The following RAPGEFL1 variants were observed in gnomAD, a reference collection of about 807,000 sequenced individuals.
RAPGEFL1 encodes Rap guanine nucleotide exchange factor like 1, also known as rap guanine nucleotide exchange factor-like 1.
Under a neutral mutation model 64.4 loss-of-function variants are expected in RAPGEFL1, and 31 were observed. The observed-to-expected ratio is 0.48, with a 90% CI of 0.36 to 0.65. The LOEUF is 0.65. Among genes scored for constraint, RAPGEFL1 ranks in the 30% least tolerant of loss-of-function variants. The pLI is 0.00. For synonymous variants in RAPGEFL1, 331 were observed against 274.1 expected (o/e 1.21, Z -2.05); for missense variants, 682 against 677.4 (o/e 1.01, Z -0.08).
At chr17:40,193,570 T>C (rs1990353994) in intron 14 of RAPGEFL1, 94 bp from the exon 15 acceptor site, 6 of 1,599,388 alleles carry the variant, frequency 3.8e-6, no homozygotes, top group Non-Finnish European at 5.1e-6. Context: ...GCCCAACATC[T>C]GTCTCAGTCC....
At chr17:40,180,940 C>T (rs530562565) in intron 1 of RAPGEFL1, among the ~76,000 whole-genome samples, 1 of 152,368 alleles carries the variant, frequency 6.6e-6, no homozygotes, top group African/African-American at 2.4e-5. Flanking sequence ...TCAGGGCGAC[C>T]TTGTACCCGG....
rs370393892 is a variant in RAPGEFL1 at position 40,184,298 on chromosome 17, C to T, written c.684C>T (p.Asp228=). ...TAGCCATGCTTCTCCATTTCTTGGACACCTACCAGGGGCTGCTTCAAGAGG... is the reference window on the plus strand; with the variant it reads ...TAGCCATGCTTCTCCATTTCTTGGATACCTACCAGGGGCTGCTTCAAGAGG... ...ACLAMLLHFL[D]TYQGLLQEEE... is the part of the protein sequence containing the mutation. The change falls in exon 3 of 15, where the codon GAC becomes GAT. Residue 228 remains aspartate (D), a synonymous_variant. Coordinates refer to ENST00000620260, the MANE Select transcript of RAPGEFL1 (RefSeq NM_016339.6). The T allele has an allele frequency of 1.5e-5, 25 of 1,613,730 alleles. No homozygotes were observed. The highest frequency in any genetic ancestry group is 2.0e-5 in the Non-Finnish European group (24 of 1,179,942).
rs994516538 is a variant in RAPGEFL1 at position 40,191,741 on chromosome 17, G to C, written c.1605+69G>C. 2 of 1,478,722 alleles carry C rather than the reference G, an allele frequency of 1.4e-6. No homozygotes were observed. Among genetic ancestry groups the C allele is most frequent in the Admixed American group, 1.9e-5 (1 of 51,346 alleles). 91.6% of individuals were successfully genotyped at this position (1,478,722 alleles called of 1,614,324 possible). ...CGGGCTCCCCGAAGTGCGTCCTCCCGGGACGGCCGCCGGCCTGGAGGGAGT... is the reference window on the plus strand; with the variant it reads ...CGGGCTCCCCGAAGTGCGTCCTCCCCGGACGGCCGCCGGCCTGGAGGGAGT... On this transcript the variant is annotated intron_variant, in intron 10 of 14. Transcript: ENST00000620260. The surrounding 1 kb of genome is among the most constrained non-coding windows in gnomAD (Gnocchi z 5.1).
Position 40,193,939 on chromosome 17 carries a change from AAGTC to A in RAPGEFL1, c.*152_*155del. 9.5e-7 allele frequency: 1 copy of A among 1,051,134 alleles called. No homozygotes were observed. 65.1% of individuals were successfully genotyped at this position (1,051,134 alleles called of 1,614,324 possible). A position where few individuals can be genotyped will look rare whatever the true frequency, so the allele number is the denominator to read the frequency against. ...TCGATGGATTTACCCCTGGACCCAT[AAGTC>A]TGTTCATCCTGCTGAAGTCCCCTCC... On this transcript the variant is annotated 3_prime_UTR_variant, in exon 15 of 15. Transcript: ENST00000620260.
intron 4 of RAPGEFL1, among the ~76,000 whole-genome samples, chr17:40,186,751 G>A (rs992107851): frequency 4.6e-5 from 7 of 151,294 alleles, no homozygotes; most frequent in South Asian, 2.1e-4. Context: ...AAAATTAGCC[G>A]GGCGTGGTGG....
chr17:40,191,048 G>A lies in RAPGEFL1; in HGVS notation c.1336-268G>A. 1 of 592,998 alleles carries A rather than the reference G, an allele frequency of 1.7e-6. No homozygotes were observed. The highest frequency in any genetic ancestry group is 2.2e-5 in the South Asian group (1 of 45,980). 36.7% of individuals were successfully genotyped at this position (592,998 alleles called of 1,614,324 possible). A position where few individuals can be genotyped will look rare whatever the true frequency, so the allele number is the denominator to read the frequency against. ...AATAAAATAAGGCAGAGACAATAAT[G>A]CCTAGCAGATGGTTGTCTTGAGGAT... On this transcript the variant is annotated intron_variant, in intron 8 of 14. Transcript: ENST00000620260. The surrounding 1 kb of genome is among the most constrained non-coding windows in gnomAD (Gnocchi z 5.1).
Position 40,191,652 on chromosome 17 carries a change from C to T in RAPGEFL1, c.1585C>T (p.Arg529Cys), listed in dbSNP as rs372980399. The change falls in exon 10 of 15, where the codon CGC becomes TGC. Residue 529 changes from arginine to cysteine, a missense_variant. By Grantham distance (180) the Arg-to-Cys change is radical (BLOSUM62 -3). This residue lies in a region of RAPGEFL1 where 411 missense variants were observed against 519.4 expected (regional missense o/e 0.79). Coordinates refer to ENST00000620260, the MANE Select transcript of RAPGEFL1 (RefSeq NM_016339.6). This position sits in a 1 kb window ranked among gnomAD's most constrained non-coding sequence, Gnocchi z 5.1. Reference protein sequence around the residue: ...VMGLDNAAVSRLRLTWEKLPG... With the variant: ...VMGLDNAAVSCLRLTWEKLPG... ...GGGGCTGGACAACGCCGCTGTCAGC[C>T]GCCTTCGACTCACCTGGGAGGTGAT... 2.5e-6 allele frequency: 4 copies of T among 1,612,518 alleles called. No homozygotes were observed. The highest frequency in any genetic ancestry group is 3.4e-6 in the Non-Finnish European group (4 of 1,179,542).
In RAPGEFL1 at chr17:40,178,077, CGCCGA is replaced by C; in HGVS notation, c.221_225del (p.Glu74GlyfsTer7). 1 of 604,590 alleles carries C rather than the reference CGCCGA, an allele frequency of 1.7e-6. No individual in the cohort carries two copies. Among genetic ancestry groups the C allele is most frequent in the Non-Finnish European group, 2.9e-6 (1 of 341,990 alleles). 37.5% of individuals were successfully genotyped at this position (604,590 alleles called of 1,614,324 possible). A position where few individuals can be genotyped will look rare whatever the true frequency, so the allele number is the denominator to read the frequency against. The stretch of plus-strand genomic sequence containing the variant: ...TCCCCGCTTTCCTCCGGGAGCCCCC[CGCCGA>C]GCCGGGGCTGGAGCCGCCCCCTGAG... On this transcript the variant is annotated frameshift_variant, in exon 1 of 15. Transcript: ENST00000620260. LOFTEE classifies it high-confidence loss of function.
chr17:40,193,367 CA>C lies in RAPGEFL1; in HGVS notation c.1815del (p.Val606TrpfsTer5). The C allele has an allele frequency of 6.2e-7, 1 of 1,614,168 alleles. No individual in the cohort carries two copies. Among genetic ancestry groups the C allele is most frequent in the Non-Finnish European group, 8.5e-7 (1 of 1,180,032 alleles). On this transcript the variant is annotated frameshift_variant, in exon 14 of 15. Coordinates refer to ENST00000620260, the MANE Select transcript of RAPGEFL1 (RefSeq NM_016339.6). LOFTEE classifies it high-confidence loss of function. ...DGLVNIEKLH[S>X]VAEKVRTIRK... ...TCATTCCTTGTCATCTCCCAGCATT[CA>C]GTGGCCGAAAAAGTGAGGACAATCC... is the stretch of plus-strand genomic sequence containing the variant.
At chr17:40,193,017 A>G in intron 13 of RAPGEFL1, 27 bp downstream of exon 13, 1 of 1,592,680 alleles carries the variant, frequency 6.3e-7, no homozygotes, top group Non-Finnish European at 8.6e-7. Flanking sequence ...GCAAACCCCT[A>G]GTCCCACAAG....
chr17:40,189,441 G>A, intron 6 of RAPGEFL1, 66 bp downstream of exon 6: 5 of 1,560,594 alleles, frequency 3.2e-6, no homozygotes, highest in Non-Finnish European at 4.4e-6. Context: ...GGGCTCTGGG[G>A]GAGGGGTAGA....
At position 40,178,136 on chromosome 17, in the gene RAPGEFL1, C is replaced by T. The variant is rs1310878188; in HGVS notation, c.275C>T (p.Ala92Val). 3 of 549,376 alleles carry T rather than the reference C, an allele frequency of 5.5e-6. No individual in the cohort carries two copies. Among genetic ancestry groups the T allele is most frequent in the African/African-American group, 2.0e-5 (1 of 49,174 alleles). 34.0% of individuals were successfully genotyped at this position (549,376 alleles called of 1,614,324 possible). Reference sequence around the variant, plus strand: ...GAAGGAGGAGAGCCGGCGGGGGTCGCGGAGGAGCCGGGCAGCGGGGGGCCC... The same window carrying T: ...GAAGGAGGAGAGCCGGCGGGGGTCGTGGAGGAGCCGGGCAGCGGGGGGCCC... ...EEEGGEPAGV[A>V]EEPGSGGPCW... The change falls in exon 1 of 15, where the codon GCG (alanine) becomes GTG (valine). Residue 92 changes from alanine to valine, a missense_variant. This residue lies in a region of RAPGEFL1 where 271 missense variants were observed against 158.0 expected (regional missense o/e 1.72). Transcript: ENST00000620260.
chr17:40,180,524 T>C (rs1165539413), intron 1 of RAPGEFL1, among the ~76,000 whole-genome samples: 1 of 152,112 alleles, frequency 6.6e-6, no homozygotes, highest in East Asian at 1.9e-4. Context: ...ACTCTGAACC[T>C]ACCAAAGCCT....
intron 8 of RAPGEFL1, 30 bp downstream of exon 8, chr17:40,190,792 G>C: frequency 6.2e-7 from 1 of 1,611,542 alleles, no homozygotes; most frequent in Middle Eastern, 1.7e-4. Context: ...CTATGCTGGG[G>C]GGCTGGAGGG....
chr17:40,194,146 T>C lies in RAPGEFL1; in HGVS notation c.*358T>C. 2 of 236,348 alleles carry C rather than the reference T, an allele frequency of 8.5e-6. No homozygotes were observed. Among genetic ancestry groups the C allele is most frequent in the Non-Finnish European group, 1.7e-5 (2 of 118,966 alleles). The allele number at this position is 236,348 out of a possible 1,614,324, so 14.6% of individuals were successfully genotyped here. ...ACCCTTCTGTCTTGCAGAGTGGGAT[T>C]GTGGGAGGGATTGGCAGCCTTCTTC... On this transcript the variant is annotated 3_prime_UTR_variant, in exon 15 of 15. Coordinates refer to ENST00000620260, the MANE Select transcript of RAPGEFL1 (RefSeq NM_016339.6).
chr17:40,190,692 G>A lies in RAPGEFL1; in HGVS notation c.1265G>A (p.Arg422Gln). 2.5e-6 allele frequency: 4 copies of A among 1,614,194 alleles called. No homozygotes were observed. Among genetic ancestry groups the A allele is most frequent in the Non-Finnish European group, 3.4e-6 (4 of 1,180,034 alleles). Residue 422 changes from arginine to glutamine, a missense_variant, in exon 8 of 15, where the codon CGA becomes CAA. Around this residue, in one of 2 missense-constraint regions of RAPGEFL1, gnomAD observed 411 missense variants for 519.4 expected, o/e 0.79. Coordinates refer to ENST00000620260, the MANE Select transcript of RAPGEFL1 (RefSeq NM_016339.6). Reference protein sequence around the residue: ...QVSPGDTEIHRVEPEDVANHL... With the variant: ...QVSPGDTEIHQVEPEDVANHL... ...TCCCCTGGAGACACAGAGATCCACC[G>A]AGTGGAGCCTGAGGACGTTGCCAAC...
intron 4 of RAPGEFL1, among the ~76,000 whole-genome samples, chr17:40,188,008 G>A (rs961157392): frequency 2.2e-5 from 3 of 138,622 alleles, no homozygotes; most frequent in African/African-American, 8.2e-5. Context: ...TCCCCCTCCC[G>A]GGTTCAAGCG....
At position 40,178,255 on chromosome 17, in the gene RAPGEFL1, T is replaced by C; in HGVS notation, c.394T>C (p.Ser132Pro). The change falls in exon 1 of 15, where the codon TCC becomes CCC. Residue 132 changes from serine to proline, a missense_variant. Around this residue, in one of 2 missense-constraint regions of RAPGEFL1, gnomAD observed 271 missense variants for 158.0 expected, o/e 1.72. Transcript: ENST00000620260. ...TTCCTCCTACTCATCTGACGAGCTG[T>C]CCCCAGGCGAGCCCTTGACTTCGCC... ...SPSSYSSDELSPGEPLTSPPW... is the reference protein window; with the variant it reads ...SPSSYSSDELPPGEPLTSPPW... 1.5e-6 allele frequency: 1 copy of C among 647,302 alleles called. No individual in the cohort carries two copies. Among genetic ancestry groups the C allele is most frequent in the Non-Finnish European group, 2.8e-6 (1 of 355,910 alleles). 40.1% of individuals were successfully genotyped at this position (647,302 alleles called of 1,614,324 possible). A position where few individuals can be genotyped will look rare whatever the true frequency, so the allele number is the denominator to read the frequency against.
rs1231110827 is a variant in RAPGEFL1 at position 40,194,507 on chromosome 17, G to A, written c.*719G>A. ...TTTTTGGGGCAGGGAGTAGCAGCAG[G>A]TGGGAGGGGTTACCCATCAGCCCTT... On this transcript the variant is annotated 3_prime_UTR_variant, in exon 15 of 15. Transcript: ENST00000620260. The A allele has an allele frequency of 6.5e-6, 1 of 152,962 alleles. No individual in the cohort carries two copies. The highest frequency in any genetic ancestry group is 1.5e-5 in the Non-Finnish European group (1 of 68,406). 9.5% of individuals were successfully genotyped at this position (152,962 alleles called of 1,614,324 possible). A position where few individuals can be genotyped will look rare whatever the true frequency, so the allele number is the denominator to read the frequency against.
Sources: gnomAD v4.1 joint callset for allele counts (sites outside exome capture counted in the v4.1 genomes callset) on GRCh38, gnomAD v4.1.1 for gene constraint, gnomAD v4.1.1 regional missense constraint, Gnocchi (gnomAD v3.1) non-coding constraint, MANE v1.5 for transcripts, NCBI Gene and HGNC (gene_info 2026-07-23, HGNC 2026-07-21) for gene names.